Variants in TNFAIP8L1 observed in about 807,000 individuals in gnomAD.
The protein encoded by TNFAIP8L1 is tumor necrosis factor alpha-induced protein 8-like protein 1.
For synonymous variants in TNFAIP8L1, 127 were observed against 125.6 expected (o/e 1.01, Z -0.08); for missense variants, 225 against 266.1 (o/e 0.85, Z 1.08).
Position 4,651,926 on chromosome 19 carries a change from T to A in TNFAIP8L1, c.57T>A (p.Ser19Arg). The change falls in exon 2 of 2, where the codon AGT becomes AGA. Residue 19 changes from serine (S) to arginine (R), a missense_variant. Physicochemically the swap from Ser to Arg is moderately radical, Grantham distance 110 (BLOSUM62 -1). Coordinates refer to ENST00000327473, the MANE Select transcript of TNFAIP8L1 (RefSeq NM_152362.3). ...TGCAGGCGCAGAAGAAGCTCCTGAG[T>A]AAGATGGCGTCCAAGGCAGTGGTGG... is the stretch of plus-strand genomic sequence containing the variant. ...LALQAQKKLL[S>R]KMASKAVVAV... The A allele has an allele frequency of 6.2e-7, 1 of 1,613,598 alleles. No homozygotes were observed.
intron 1 of TNFAIP8L1, chr19:4,642,567 T>C (rs11878789): frequency 0.63 from 96,056 of 151,570 alleles, 31,194 homozygotes; most frequent in Non-Finnish European, 0.69. Flanking sequence ...GGAGGGGCCA[T>C]GTAAACCCAG....
chr19:4,652,879 A>C lies in TNFAIP8L1; in HGVS notation c.*449A>C. ...AGTCGCGGCACCCCCCCTTCCATAAACTCACGTCCTAACCCCCAGGACCTC... is the reference window on the plus strand; with the variant it reads ...AGTCGCGGCACCCCCCCTTCCATAACCTCACGTCCTAACCCCCAGGACCTC... On this transcript the variant is annotated 3_prime_UTR_variant, in exon 2 of 2. Coordinates refer to ENST00000327473, the MANE Select transcript of TNFAIP8L1 (RefSeq NM_152362.3). 5.5e-6 allele frequency: 1 copy of C among 182,358 alleles called. No homozygotes were observed. The highest frequency in any genetic ancestry group is 1.3e-5 in the Non-Finnish European group (1 of 79,050). The allele number at this position is 182,358 out of a possible 1,614,324, so 11.3% of individuals were successfully genotyped here.
At chr19:4,651,773 C>T in intron 1 of TNFAIP8L1, 94 bp from the exon 2 acceptor site, 3 of 1,367,658 alleles carry the variant, frequency 2.2e-6, no homozygotes, top group East Asian at 2.4e-5. Flanking sequence ...AAACAAATTC[C>T]GTTAGGCCCT....
chr19:4,651,728 G>C (rs969252530), intron 1 of TNFAIP8L1, 139 bp from the exon 2 acceptor site: 15 of 962,560 alleles, frequency 1.6e-5, no homozygotes, highest in Non-Finnish European at 2.2e-5. Context: ...GATTACAGGC[G>C]TGAGCCACTG....
intron 1 of TNFAIP8L1, among the ~76,000 whole-genome samples, chr19:4,642,889 C>T (rs1599822670): frequency 6.6e-6 from 1 of 151,978 alleles, no homozygotes; most frequent in Non-Finnish European, 1.5e-5. Context: ...TACTCACAGG[C>T]ACCCATTGGC....
chr19:4,646,899 G>T (rs1028670271), intron 1 of TNFAIP8L1, among the ~76,000 whole-genome samples: 3 of 152,236 alleles, frequency 2.0e-5, no homozygotes, highest in Non-Finnish European at 2.9e-5. Context: ...CAAAGTGCTG[G>T]GATTGCAGGC....
intron 1 of TNFAIP8L1, among the ~76,000 whole-genome samples, chr19:4,647,256 G>A (rs1005997431): frequency 1.3e-5 from 2 of 152,164 alleles, no homozygotes; most frequent in African/African-American, 4.8e-5. Flanking sequence ...TGGAATTGCT[G>A]GGTCCTATGG....
intron 1 of TNFAIP8L1, among the ~76,000 whole-genome samples, chr19:4,646,279 C>T (rs142535559): frequency 0.015 from 2,197 of 151,088 alleles, 24 homozygotes; most frequent in Middle Eastern, 0.068. Flanking sequence ...CTCGCCACCA[C>T]GCCCGGCCGA....
At position 4,646,820 on chromosome 19, in the gene TNFAIP8L1, C is replaced by T. The variant is rs905295895; in HGVS notation, c.-3-5047C>T. Among the ~76,000 whole-genome samples, 16 of 152,064 alleles carry T rather than the reference C, an allele frequency of 1.1e-4. 1 individual carries two copies. The highest frequency in any genetic ancestry group is 6.6e-4 in the Admixed American group (10 of 15,252). ...TAATTTTTTGTATTTTTAGTAGAGACGGGGTTTCACCGTGTTAGCCAGGAT... is the reference window on the plus strand; with the variant it reads ...TAATTTTTTGTATTTTTAGTAGAGATGGGGTTTCACCGTGTTAGCCAGGAT... On this transcript the variant is annotated intron_variant, in intron 1 of 1. Coordinates refer to ENST00000327473, the MANE Select transcript of TNFAIP8L1 (RefSeq NM_152362.3).
chr19:4,652,513 A>G lies in TNFAIP8L1; in HGVS notation c.*83A>G. The G allele has an allele frequency of 7.4e-7, 1 of 1,344,092 alleles. No individual in the cohort carries two copies. Among genetic ancestry groups the G allele is most frequent in the Non-Finnish European group, 9.9e-7 (1 of 1,008,182 alleles). The allele number at this position is 1,344,092 out of a possible 1,614,324, so 83.3% of individuals were successfully genotyped here. A position where few individuals can be genotyped will look rare whatever the true frequency, so the allele number is the denominator to read the frequency against. ...GGGTGGGGTTTGTGGGTTTTTTTCCACCTCTTTTCTCCCAATCGGACTCCG... is the reference window on the plus strand; with the variant it reads ...GGGTGGGGTTTGTGGGTTTTTTTCCGCCTCTTTTCTCCCAATCGGACTCCG... On this transcript the variant is annotated 3_prime_UTR_variant, in exon 2 of 2. Transcript: ENST00000327473.
chr19:4,646,924 G>A (rs753445717), intron 1 of TNFAIP8L1, among the ~76,000 whole-genome samples: 3 of 152,144 alleles, frequency 2.0e-5, no homozygotes, highest in African/African-American at 4.8e-5. Context: ...GCCGGTGCCC[G>A]GCCCTTCCTG....
chr19:4,649,512 T>G (rs2088342623), intron 1 of TNFAIP8L1, among the ~76,000 whole-genome samples: 3 of 152,134 alleles, frequency 2.0e-5, no homozygotes, highest in Admixed American at 6.5e-5. Context: ...AATATCAGGG[T>G]TGCCCTCTAA....
intron 1 of TNFAIP8L1, among the ~76,000 whole-genome samples, chr19:4,651,105 G>T (rs189728479): frequency 6.6e-6 from 1 of 152,130 alleles, no homozygotes; most frequent in African/African-American, 2.4e-5. Context: ...ACAGCCCCGG[G>T]TCTGGGGCTC....
chr19:4,646,348 A>G (rs2088311297), intron 1 of TNFAIP8L1, among the ~76,000 whole-genome samples: 1 of 146,922 alleles, frequency 6.8e-6, no homozygotes, highest in African/African-American at 2.5e-5. Flanking sequence ...GCTAGTCTTG[A>G]ACTCCTGGCC....
chr19:4,644,365 C>T (rs955307644), intron 1 of TNFAIP8L1, among the ~76,000 whole-genome samples: 44 of 145,856 alleles, frequency 3.0e-4, no homozygotes, highest in Admixed American at 2.8e-3. Context: ...CATAGCAAGA[C>T]GCCATGTCTA....
chr19:4,648,923 C>T (rs867981859), intron 1 of TNFAIP8L1, among the ~76,000 whole-genome samples: 92 of 136,618 alleles, frequency 6.7e-4, no homozygotes, highest in Non-Finnish European at 1.2e-3. Flanking sequence ...CTGCAAACAT[C>T]CTTTTTTTTT....
intron 1 of TNFAIP8L1, among the ~76,000 whole-genome samples, chr19:4,644,004 T>C (rs2088286565): frequency 6.6e-6 from 1 of 151,742 alleles, no homozygotes; most frequent in Non-Finnish European, 1.5e-5. Flanking sequence ...GTGGATCACC[T>C]GAGGTCAGGA....
In TNFAIP8L1 at chr19:4,652,381, G is replaced by A. The variant is rs2088377628; in HGVS notation, c.512G>A (p.Arg171His). ...GPAEPYRSHL[R>H]RICEGLGRML... is the part of the protein sequence containing the mutation. ...GCCGAGCCCTACCGCTCCCACCTGCGCAGGATCTGCGAGGGCCTGGGCCGG... is the reference window on the plus strand; with the variant it reads ...GCCGAGCCCTACCGCTCCCACCTGCACAGGATCTGCGAGGGCCTGGGCCGG... Residue 171 changes from arginine to histidine, a missense_variant, in exon 2 of 2, where the codon CGC becomes CAC. Physicochemically the swap from Arg to His is conservative, Grantham distance 29 (BLOSUM62 0). Coordinates refer to ENST00000327473, the MANE Select transcript of TNFAIP8L1 (RefSeq NM_152362.3). 2.6e-6 allele frequency: 4 copies of A among 1,552,616 alleles called. No individual in the cohort carries two copies. Among genetic ancestry groups the A allele is most frequent in the East Asian group, 2.4e-5 (1 of 41,252 alleles).
In TNFAIP8L1 at chr19:4,652,358, CG is replaced by C; in HGVS notation, c.490del (p.Glu164SerfsTer77). On this transcript the variant is annotated frameshift_variant, in exon 2 of 2. Transcript: ENST00000327473. LOFTEE classifies it low-confidence loss of function (END_TRUNC). ...DFLAALYGPAEPYRSHLRRIC... is the reference protein window; with the variant it reads ...DFLAALYGPAXPYRSHLRRIC... Reference sequence around the variant, plus strand: ...TCCTGGCTGCGCTCTACGGCCCCGCCGAGCCCTACCGCTCCCACCTGCGCAG... The same window carrying C: ...TCCTGGCTGCGCTCTACGGCCCCGCCAGCCCTACCGCTCCCACCTGCGCAG... The C allele has an allele frequency of 6.4e-7, 1 of 1,554,854 alleles. No homozygotes were observed. Among genetic ancestry groups the C allele is most frequent in the African/African-American group, 1.4e-5 (1 of 73,412 alleles).
Sources: allele counts gnomAD v4.1 joint callset (sites outside exome capture counted in the v4.1 genomes callset), GRCh38; gene constraint gnomAD v4.1.1; transcripts MANE v1.5; gene names NCBI Gene and HGNC (gene_info 2026-07-23, HGNC 2026-07-21).